PAPPA: variants seen among roughly 807,000 people sequenced by gnomAD.
PAPPA encodes the protein pappalysin-1.
PAPPA carries 60 observed loss-of-function variants against 164.0 expected under a neutral mutation model. The ratio of observed to expected loss-of-function variants is 0.37; its 90% confidence interval spans 0.30 to 0.45. The LOEUF (loss-of-function observed/expected upper bound fraction) is 0.45, where lower values mean the gene tolerates loss of function less well. Among genes scored for constraint, PAPPA ranks in the 20% least tolerant of loss-of-function variants. The pLI is 1.00. For missense variants in PAPPA, 1,782 were observed against 2,087.3 expected, an observed-to-expected ratio of 0.85 and a Z score of 2.85; for synonymous variants, 875 against 814.1, an observed-to-expected ratio of 1.07 and a Z score of -1.27.
rs573263628 is a variant in PAPPA at position 116,181,684 on chromosome 9, G to A, written c.416-5470G>A. ...GGAAGAAAAATCAGTATCGACATTG[G>A]AAGTTAGAGGAAACCTGAGTCAGAA... is the stretch of plus-strand genomic sequence containing the variant. On this transcript the variant is annotated intron_variant, in intron 1 of 21. Transcript: ENST00000328252. Among the ~76,000 whole-genome samples, 15 of 152,342 alleles carry A rather than the reference G, an allele frequency of 9.8e-5. No homozygotes were observed. In the South Asian group the frequency reaches 2.9e-3, roughly 29 times the overall value.
intron 10 of PAPPA, among the ~76,000 whole-genome samples, 177 bp from the exon 11 acceptor site, chr9:116,331,067 A>T (rs1252017418): frequency 1.3e-5 from 2 of 152,172 alleles, no homozygotes; most frequent in Non-Finnish European, 2.9e-5. Flanking sequence ...AGTGTTGAGG[A>T]TTACCTCTTC....
intron 7 of PAPPA, among the ~76,000 whole-genome samples, chr9:116,241,899 T>G (rs1385550241): frequency 6.6e-6 from 1 of 152,180 alleles, no homozygotes; most frequent in Non-Finnish European, 1.5e-5. Flanking sequence ...TCATTTCTTT[T>G]TATAGCTCTT....
chr9:116,201,799 C>A (rs752230492), intron 2 of PAPPA, among the ~76,000 whole-genome samples: 18 of 152,308 alleles, frequency 1.2e-4, no homozygotes, highest in Non-Finnish European at 2.4e-4. Flanking sequence ...CTTAAAATCA[C>A]CCTCTGTTGC....
At chr9:116,313,715 C>T (rs961301111) in intron 10 of PAPPA, among the ~76,000 whole-genome samples, 1 of 152,158 alleles carries the variant, frequency 6.6e-6, no homozygotes, top group African/African-American at 2.4e-5. Flanking sequence ...TCAGTAGCCT[C>T]TAGCCACCTA....
At chr9:116,257,222 A>AT (rs2118793154) in intron 7 of PAPPA, among the ~76,000 whole-genome samples, 1 of 152,116 alleles carries the variant, frequency 6.6e-6, no homozygotes, top group South Asian at 2.1e-4. Context: ...GAATTAAATA[A>AT]TTTTTAAAAC....
At chr9:116,281,187 A>G (rs1845261762) in intron 9 of PAPPA, among the ~76,000 whole-genome samples, 1 of 152,198 alleles carries the variant, frequency 6.6e-6, no homozygotes, top group East Asian at 1.9e-4. Context: ...AGGGTCTTGA[A>G]TATCTTCAGA....
At chr9:116,265,706 G>C in intron 7 of PAPPA, 151 bp from the exon 8 acceptor site, 1 of 585,274 alleles carries the variant, frequency 1.7e-6, no homozygotes, top group East Asian at 2.8e-5. Flanking sequence ...TAGCCATAGT[G>C]GACAATAGAA....
rs1159951849 is a variant in PAPPA, at chr9:116,367,630, C to T, written c.4496-15C>T. The T allele has an allele frequency of 6.3e-7, 1 of 1,596,736 alleles. No individual in the cohort carries two copies. The highest frequency in any genetic ancestry group is 1.7e-5 in the Admixed American group (1 of 59,880). On this transcript the variant is annotated splice_polypyrimidine_tract_variant and intron_variant, in intron 18 of 21. Coordinates refer to ENST00000328252, the MANE Select transcript of PAPPA (RefSeq NM_002581.5). The stretch of plus-strand genomic sequence containing the variant: ...TCTCGGGCCTGAGCTGCGCCTCATG[C>T]TGTACTTCCCTCAGGGTCGGAGTGT...
intron 13 of PAPPA, among the ~76,000 whole-genome samples, chr9:116,340,582 C>T (rs552601111): frequency 6.6e-6 from 1 of 152,262 alleles, no homozygotes; most frequent in African/African-American, 2.4e-5. Flanking sequence ...CACATATTAC[C>T]TCCCTTATCC....
At chr9:116,355,458 T>C (rs1846340451) in intron 17 of PAPPA, among the ~76,000 whole-genome samples, 1 of 152,156 alleles carries the variant, frequency 6.6e-6, no homozygotes, top group Admixed American at 6.5e-5. Flanking sequence ...CTGAGAATCC[T>C]GTTCTCATAC....
At chr9:116,208,350 T>C (rs1471392127) in intron 3 of PAPPA, among the ~76,000 whole-genome samples, 1 of 148,802 alleles carries the variant, frequency 6.7e-6, no homozygotes, top group Non-Finnish European at 1.5e-5. Flanking sequence ...TGTTCTTTTT[T>C]CACTTAATAT....
chr9:116,229,036 G>A (rs1844552133), intron 6 of PAPPA, among the ~76,000 whole-genome samples: 1 of 152,074 alleles, frequency 6.6e-6, no homozygotes, highest in African/African-American at 2.4e-5. Flanking sequence ...TGCTAGGGAA[G>A]TCAGATAAGT....
In PAPPA at chr9:116,154,494, C is replaced by T. The variant is rs1056840923; in HGVS notation, c.322C>T (p.Leu108Phe). The T allele has an allele frequency of 7.5e-7, 1 of 1,339,160 alleles. No individual in the cohort carries two copies. Among genetic ancestry groups the T allele is most frequent in the Non-Finnish European group, 9.6e-7 (1 of 1,043,862 alleles). The allele number at this position is 1,339,160 out of a possible 1,614,324, so 83.0% of individuals were successfully genotyped here. ...CAGCGGGCGAGGCGAGCAGCTGCGC[C>T]TCCGGGCCGACCTCGAGCTGCCCCG... ...YFSGRGEQLR[L>F]RADLELPRDA... is the part of the protein sequence containing the mutation. Residue 108 changes from leucine to phenylalanine, a missense_variant, in exon 1 of 22, where the codon CTC becomes TTC. Physicochemically the swap from Leu to Phe is conservative, Grantham distance 22. Around this residue, in one of 2 missense-constraint regions of PAPPA, gnomAD observed 458 missense variants for 430.3 expected, o/e 1.06. Coordinates refer to ENST00000328252, the MANE Select transcript of PAPPA (RefSeq NM_002581.5). The surrounding 1 kb of genome is among the most constrained non-coding windows in gnomAD (Gnocchi z 5.2).
intron 5 of PAPPA, among the ~76,000 whole-genome samples, chr9:116,222,877 A>G (rs1844462542): frequency 6.6e-6 from 1 of 152,222 alleles, no homozygotes; most frequent in Non-Finnish European, 1.5e-5. Context: ...GTGAGAGATG[A>G]TGGATTTGTT....
At chr9:116,383,254 C>T (rs927933370) in intron 21 of PAPPA, among the ~76,000 whole-genome samples, 7 of 152,162 alleles carry the variant, frequency 4.6e-5, no homozygotes, top group East Asian at 1.9e-4. Context: ...GGTGGTAACC[C>T]TGCTAGCCTG....
intron 6 of PAPPA, among the ~76,000 whole-genome samples, chr9:116,232,895 A>C (rs921654016): frequency 1.3e-5 from 2 of 152,182 alleles, no homozygotes; most frequent in Admixed American, 1.3e-4. Context: ...GATTAACAAG[A>C]AACTAGGGAG....
chr9:116,250,013 A>ATGTGTGTGTGTGTG (rs67162181), intron 7 of PAPPA, among the ~76,000 whole-genome samples: 25 of 143,646 alleles, frequency 1.7e-4, no homozygotes, highest in African/African-American at 5.8e-4. Context: ...GTACCTGCAT[A>ATGTGTGTGTGTGTG]TGTGTGTGTG....
At chr9:116,335,171 G>A in intron 13 of PAPPA, 97 bp downstream of exon 13, 1 of 1,004,916 alleles carries the variant, frequency 1.0e-6, no homozygotes, top group Non-Finnish European at 1.5e-6. Flanking sequence ...GATGTAAAAA[G>A]TCTGTGCATT....
In PAPPA at chr9:116,187,278, G is replaced by T; in HGVS notation, c.540G>T (p.Arg180=). The change falls in exon 2 of 22, where the codon CGG becomes CGT. Residue 180 remains arginine (R), a synonymous_variant. Transcript: ENST00000328252. This position sits in a 1 kb window ranked among gnomAD's most constrained non-coding sequence, Gnocchi z 4.2. ...YFFSLKTDRA[R]QVTTINAHRS... ...TCTCCTTGAAGACAGACCGAGCCCG[G>T]CAAGTGACCACCATCAATGCCCACC... 6.2e-7 allele frequency: 1 copy of T among 1,614,152 alleles called. No homozygotes were observed. Among genetic ancestry groups the T allele is most frequent in the East Asian group, 2.2e-5 (1 of 44,880 alleles).
Sources: gnomAD v4.1 joint callset for allele counts (sites outside exome capture counted in the v4.1 genomes callset) on GRCh38, gnomAD v4.1.1 for gene constraint, gnomAD v4.1.1 regional missense constraint, Gnocchi (gnomAD v3.1) non-coding constraint, MANE v1.5 for transcripts, NCBI Gene and HGNC (gene_info 2026-07-23, HGNC 2026-07-21) for gene names.